TBL1XR1: variants seen among roughly 807,000 people sequenced by gnomAD.
TBL1XR1 encodes F-box-like/WD repeat-containing protein TBL1XR1.
TBL1XR1 carries 5 observed loss-of-function variants against 66.9 expected under a neutral mutation model. That is an observed-to-expected ratio of 0.07 (90% CI 0.04 to 0.16). The LOEUF (loss-of-function observed/expected upper bound fraction) is 0.16, where lower values mean the gene tolerates loss of function less well. Ranked by LOEUF, TBL1XR1 falls within the 10% of genes least tolerant of loss-of-function variation. The pLI is 1.00. For synonymous variants in TBL1XR1, 210 were observed against 206.0 expected, an observed-to-expected ratio of 1.02 and a Z score of -0.17; for missense variants, 238 against 623.2, an observed-to-expected ratio of 0.38 and a Z score of 6.58.
intron 3 of TBL1XR1, 32 bp from the exon 4 acceptor site, chr3:177,053,950 T>C: frequency 6.3e-7 from 1 of 1,586,710 alleles, no homozygotes; most frequent in South Asian, 1.2e-5. Context: ...TGAGAATTTA[T>C]TTTCCTAGTG....
intron 1 of TBL1XR1, among the ~76,000 whole-genome samples, chr3:177,157,057 C>G (rs1212398588): frequency 6.6e-6 from 1 of 152,126 alleles, no homozygotes; most frequent in Non-Finnish European, 1.5e-5. Flanking sequence ...TGTAATCATT[C>G]CTCTCTGGGC....
intron 2 of TBL1XR1, among the ~76,000 whole-genome samples, chr3:177,092,054 T>C (rs1443406304): frequency 4.6e-5 from 7 of 152,306 alleles, no homozygotes; most frequent in South Asian, 2.1e-4. Flanking sequence ...TCTAAAACGA[T>C]TGGGACTACA....
At chr3:177,082,807 G>A (rs1261857270) in intron 2 of TBL1XR1, among the ~76,000 whole-genome samples, 42 of 126,388 alleles carry the variant, frequency 3.3e-4, no homozygotes, top group African/African-American at 1.2e-3. Flanking sequence ...CCAGGCTGAC[G>A]GGCAGTGGCA....
intron 2 of TBL1XR1, among the ~76,000 whole-genome samples, chr3:177,082,857 G>A (rs1479272269): frequency 6.8e-6 from 1 of 147,888 alleles, no homozygotes; most frequent in South Asian, 2.1e-4. Flanking sequence ...CCAGGTTCAC[G>A]CCATTCTCCT....
intron 1 of TBL1XR1, among the ~76,000 whole-genome samples, chr3:177,123,930 G>A (rs1030498478): frequency 6.6e-6 from 1 of 152,006 alleles, no homozygotes; most frequent in African/African-American, 2.4e-5. Flanking sequence ...AATTCATGCA[G>A]CTTTCTTCAA....
chr3:177,130,340 T>G (rs1430102066), intron 1 of TBL1XR1, among the ~76,000 whole-genome samples: 1 of 152,060 alleles, frequency 6.6e-6, no homozygotes, highest in Middle Eastern at 3.2e-3. Context: ...AGGGGCCTGG[T>G]AAAATTATAA....
At chr3:177,172,103 T>C (rs1577378121) in intron 1 of TBL1XR1, among the ~76,000 whole-genome samples, 2 of 151,642 alleles carry the variant, frequency 1.3e-5, no homozygotes, top group East Asian at 3.9e-4. Context: ...CTACTAAAAA[T>C]ACAAAAAATT....
At chr3:177,042,943 T>C (rs983575974) in intron 10 of TBL1XR1, among the ~76,000 whole-genome samples, 19 of 152,252 alleles carry the variant, frequency 1.2e-4, no homozygotes, top group African/African-American at 3.8e-4. Flanking sequence ...GACATATAAT[T>C]CACATACCAA....
rs2108358693 is a variant in TBL1XR1, at chr3:177,021,179, G to C, written c.*4319C>G. The stretch of plus-strand genomic sequence containing the variant: ...ATTTGTAAAAACAAAAATGGAAACA[G>C]TATAGCTACAATGTCAAAGTCAGGA... On this transcript the variant is annotated 3_prime_UTR_variant, in exon 16 of 16. Transcript: ENST00000457928. The C allele has an allele frequency of 6.6e-6, 1 of 152,482 alleles. No individual in the cohort carries two copies. The highest frequency in any genetic ancestry group is 3.4e-3 in the Middle Eastern group (1 of 294). The allele number at this position is 152,482 out of a possible 1,614,324, so 9.4% of individuals were successfully genotyped here.
At chr3:177,050,241 C>G (rs975934821) in intron 6 of TBL1XR1, 103 bp from the exon 7 acceptor site, 7 of 1,419,290 alleles carry the variant, frequency 4.9e-6, no homozygotes, top group Non-Finnish European at 6.7e-6. Flanking sequence ...ATAAAAACGA[C>G]TATCACGAAT....
At chr3:177,174,640 C>T (rs1177628587) in intron 1 of TBL1XR1, among the ~76,000 whole-genome samples, 2 of 152,092 alleles carry the variant, frequency 1.3e-5, no homozygotes, top group Non-Finnish European at 2.9e-5. Flanking sequence ...TTCAATACCA[C>T]TCTCTTATGA....
intron 14 of TBL1XR1, 67 bp downstream of exon 14, chr3:177,032,904 G>A (rs185031120): frequency 3.6e-5 from 46 of 1,273,322 alleles, no homozygotes; most frequent in Non-Finnish European, 4.6e-5. Context: ...TGGTGAGGCA[G>A]AGTGTATAGG....
rs1375496169 is a variant in TBL1XR1 at position 177,020,548 on chromosome 3, T to C, written c.*4950A>G. The stretch of plus-strand genomic sequence containing the variant: ...CAGTTATTAATCAGTAACACCAGTA[T>C]GGGAGAGAATGAATGTGTTATAGGT... On this transcript the variant is annotated 3_prime_UTR_variant, in exon 16 of 16. Coordinates refer to ENST00000457928, the MANE Select transcript of TBL1XR1 (RefSeq NM_024665.7). 1.3e-5 allele frequency: 2 copies of C among 152,124 alleles called. No individual in the cohort carries two copies. Among genetic ancestry groups the C allele is most frequent in the Non-Finnish European group, 2.9e-5 (2 of 68,010 alleles). The allele number at this position is 152,124 out of a possible 1,614,324, so 9.4% of individuals were successfully genotyped here.
intron 3 of TBL1XR1, 150 bp from the exon 4 acceptor site, chr3:177,054,068 G>A: frequency 3.0e-6 from 2 of 666,032 alleles, no homozygotes; most frequent in Non-Finnish European, 4.9e-6. Flanking sequence ...GTGTGTGTGT[G>A]TGTGTGCGCG....
intron 1 of TBL1XR1, among the ~76,000 whole-genome samples, chr3:177,195,206 T>C (rs1272378481): frequency 6.6e-6 from 1 of 151,326 alleles, no homozygotes; most frequent in African/African-American, 2.4e-5. Context: ...AAAAAAAAAA[T>C]CATATTCCAA....
chr3:177,140,232 G>A lies in TBL1XR1; in HGVS notation c.-121-41691C>T, dbSNP rs1352635443. On this transcript the variant is annotated intron_variant, in intron 1 of 15. Transcript: ENST00000457928. ...AGAAGAATCGCTTGAACCCGGAGGC[G>A]GAAGTTGCAGTGAGCCAAGATGGAG... 6.6e-5 allele frequency among the ~76,000 whole-genome samples: 10 copies of A among 152,102 alleles called. No homozygotes were observed. The East Asian group carries it at 1.5e-3, about 23-fold the overall frequency.
At chr3:177,193,787 A>G (rs1016799340) in intron 1 of TBL1XR1, among the ~76,000 whole-genome samples, 2 of 152,120 alleles carry the variant, frequency 1.3e-5, no homozygotes, top group Admixed American at 6.5e-5. Flanking sequence ...GACTAACAAA[A>G]CAGCTGGGAA....
At chr3:177,060,310 G>T (rs6768711) in intron 3 of TBL1XR1, among the ~76,000 whole-genome samples, 3 of 151,906 alleles carry the variant, frequency 2.0e-5, no homozygotes, top group Admixed American at 2.0e-4. Flanking sequence ...ATGCAACATC[G>T]GTTATTTTTA....
At chr3:177,082,734 G>T (rs1483812593) in intron 2 of TBL1XR1, among the ~76,000 whole-genome samples, 2 of 18,818 alleles carry the variant, frequency 1.1e-4, no homozygotes, top group Non-Finnish European at 2.1e-4. Flanking sequence ...TTCTAAGATA[G>T]AGATTATATA....
Sources: gnomAD v4.1 joint callset for allele counts (sites outside exome capture counted in the v4.1 genomes callset) on GRCh38, gnomAD v4.1.1 for gene constraint, MANE v1.5 for transcripts, NCBI Gene and HGNC (gene_info 2026-07-23, HGNC 2026-07-21) for gene names.